RABGAP1L: variants seen among roughly 807,000 people sequenced by gnomAD.
RABGAP1L encodes rab GTPase-activating protein 1-like.
In RABGAP1L, 63 loss-of-function variants were observed where a neutral mutation model predicts 137.7. The ratio of observed to expected loss-of-function variants is 0.46; its 90% CI spans 0.37 to 0.56. RABGAP1L has a LOEUF of 0.56. Ranked by LOEUF, RABGAP1L falls within the 20% of genes least tolerant of loss-of-function variation. RABGAP1L has a pLI of 0.00. For synonymous variants in RABGAP1L, 431 were observed against 433.7 expected (o/e 0.99, Z 0.08); for missense variants, 1,095 against 1,244.0 (o/e 0.88, Z 1.80).
intron 17 of RABGAP1L, among the ~76,000 whole-genome samples, chr1:174,726,689 C>G (rs540699454): frequency 6.6e-6 from 1 of 151,766 alleles, no homozygotes. Flanking sequence ...TTTGTCATTC[C>G]TTCTCTTATG....
intron 21 of RABGAP1L, among the ~76,000 whole-genome samples, chr1:174,969,633 C>T (rs1040088452): frequency 1.3e-5 from 2 of 152,214 alleles, no homozygotes; most frequent in Non-Finnish European, 2.9e-5. Context: ...TTTGTTGATA[C>T]CTTTCCTGAA....
At chr1:174,930,173 T>C (rs942106525) in intron 19 of RABGAP1L, among the ~76,000 whole-genome samples, 2 of 152,026 alleles carry the variant, frequency 1.3e-5, no homozygotes, top group Admixed American at 1.3e-4. Flanking sequence ...CTTTAACTCC[T>C]TTAAAAATTT....
At chr1:174,533,295 G>A (rs963381958) in intron 13 of RABGAP1L, among the ~76,000 whole-genome samples, 3 of 152,100 alleles carry the variant, frequency 2.0e-5, no homozygotes, top group Non-Finnish European at 4.4e-5. Flanking sequence ...TGGTACCATC[G>A]CTCTTCGTCT....
chr1:174,728,276 T>A (rs1414448005), intron 17 of RABGAP1L, among the ~76,000 whole-genome samples: 1 of 152,172 alleles, frequency 6.6e-6, no homozygotes, highest in Non-Finnish European at 1.5e-5. Context: ...TTCAGTAACG[T>A]TTCAGGTTAC....
chr1:174,415,927 C>T (rs1224518294), intron 13 of RABGAP1L, among the ~76,000 whole-genome samples: 1 of 151,336 alleles, frequency 6.6e-6, no homozygotes, highest in Non-Finnish European at 1.5e-5. Context: ...GCTTATTGAT[C>T]TTTATTTTAT....
intron 13 of RABGAP1L, among the ~76,000 whole-genome samples, chr1:174,429,177 T>C (rs1376373836): frequency 1.3e-5 from 2 of 152,204 alleles, no homozygotes; most frequent in African/African-American, 4.8e-5. Flanking sequence ...GATAGTAATA[T>C]TTATTTTAAT....
intron 19 of RABGAP1L, among the ~76,000 whole-genome samples, chr1:174,839,426 G>A (rs937222439): frequency 3.3e-5 from 5 of 152,112 alleles, no homozygotes; most frequent in Non-Finnish European, 4.4e-5. Flanking sequence ...TGTTCTATGA[G>A]TTCAGTGTTT....
intron 18 of RABGAP1L, among the ~76,000 whole-genome samples, chr1:174,802,378 G>A (rs1017901702): frequency 3.3e-5 from 5 of 152,104 alleles, no homozygotes; most frequent in African/African-American, 4.8e-5. Context: ...AGGCTGAGGC[G>A]GGCAGATCAC....
chr1:174,718,205 G>C (rs1446901236), intron 17 of RABGAP1L, among the ~76,000 whole-genome samples: 1 of 151,928 alleles, frequency 6.6e-6, no homozygotes, highest in African/African-American at 2.4e-5. Flanking sequence ...TTTGAGTTTT[G>C]GTTATTCAAT....
chr1:174,313,870 A>G (rs965138569), intron 11 of RABGAP1L, among the ~76,000 whole-genome samples: 4 of 152,122 alleles, frequency 2.6e-5, no homozygotes, highest in Non-Finnish European at 5.9e-5. Flanking sequence ...GTCATCATGA[A>G]TGATCTTTCT....
chr1:174,258,571 G>A (rs1673313925), intron 7 of RABGAP1L, among the ~76,000 whole-genome samples: 1 of 152,132 alleles, frequency 6.6e-6, no homozygotes, highest in Admixed American at 6.5e-5. Context: ...CCAAAGTGCT[G>A]GGATTATAGG....
intron 15 of RABGAP1L, among the ~76,000 whole-genome samples, chr1:174,685,099 A>C (rs2148483854): frequency 6.6e-6 from 1 of 152,328 alleles, no homozygotes; most frequent in East Asian, 1.9e-4. Context: ...GGTTTTGTGG[A>C]TGGATTGGCA....
chr1:174,176,722 A>AG, intron 1 of RABGAP1L, among the ~76,000 whole-genome samples: 1 of 130,232 alleles, frequency 7.7e-6, no homozygotes, highest in African/African-American at 3.2e-5. Flanking sequence ...AGAAAAAAAA[A>AG]AAAAAAAAAA....
chr1:174,324,099 A>T (rs577604009), intron 11 of RABGAP1L, among the ~76,000 whole-genome samples: 1 of 152,298 alleles, frequency 6.6e-6, no homozygotes, highest in East Asian at 1.9e-4. Context: ...TCTTAAAATC[A>T]TGTAGGCGAA....
At chr1:174,280,851 G>A (rs1358233733) in intron 10 of RABGAP1L, among the ~76,000 whole-genome samples, 1 of 152,180 alleles carries the variant, frequency 6.6e-6, no homozygotes, top group Admixed American at 6.5e-5. Context: ...CCCTTGCGGT[G>A]AGTGTTACAG....
intron 14 of RABGAP1L, among the ~76,000 whole-genome samples, chr1:174,682,301 C>CAT (rs1268569804): frequency 6.4e-5 from 8 of 125,324 alleles, no homozygotes; most frequent in African/African-American, 3.6e-4. Flanking sequence ...TCTCTCTATA[C>CAT]ATACATATAT....
intron 14 of RABGAP1L, among the ~76,000 whole-genome samples, chr1:174,656,269 C>G (rs1675965320): frequency 6.6e-6 from 1 of 152,174 alleles, no homozygotes. Context: ...CCAGCCTGTT[C>G]CAACATGGTG....
chr1:174,465,947 A>G (rs1219898000), intron 13 of RABGAP1L, among the ~76,000 whole-genome samples: 1 of 152,222 alleles, frequency 6.6e-6, no homozygotes, highest in East Asian at 1.9e-4. Flanking sequence ...AGAAGGAGAC[A>G]CAAAAATTTA....
intron 22 of RABGAP1L, 29 bp from the exon 23 acceptor site, chr1:174,978,778 C>T: frequency 6.6e-7 from 1 of 1,513,274 alleles, no homozygotes; most frequent in Non-Finnish European, 8.8e-7. Flanking sequence ...TTGGCTAAAT[C>T]CTGATATTTC....
Sources: allele counts gnomAD v4.1 joint callset (sites outside exome capture counted in the v4.1 genomes callset), GRCh38; gene constraint gnomAD v4.1.1; transcripts MANE v1.5; gene names NCBI Gene and HGNC (gene_info 2026-07-23, HGNC 2026-07-21).